Variants in TKT observed in about 807,000 individuals in gnomAD.
TKT encodes epididymis luminal protein 107.
A neutral mutation model predicts 63.9 loss-of-function variants in TKT; 47 were observed. The ratio of observed to expected loss-of-function variants is 0.74; its 90% CI spans 0.58 to 0.94. TKT has a LOEUF of 0.94. Ranked by LOEUF, TKT falls within the 40% of genes least tolerant of loss-of-function variation. The pLI is 0.00. For missense variants in TKT, 721 were observed against 846.2 expected (o/e 0.85, Z 1.84); for synonymous variants, 338 against 334.1 (o/e 1.01, Z -0.13).
Position 53,253,300 on chromosome 3 carries a change from T to TTC in TKT, c.107+2534_107+2535dup, listed in dbSNP as rs549993750. The stretch of plus-strand genomic sequence containing the variant: ...TTTTCTTTTCTTGGCCTTTCTTTCT[T>TTC]TCTCTCTCTCTCTCTTTCTTTCTTT... On this transcript the variant is annotated intron_variant, in intron 1 of 13. Coordinates refer to ENST00000462138, the MANE Select transcript of TKT (RefSeq NM_001064.4). Among the ~76,000 whole-genome samples, 1,069 of 151,630 alleles carry TTC rather than the reference T, an allele frequency of 7.1e-3. 60 individuals are homozygous for TTC. The South Asian group carries it at 0.13, about 18-fold the overall frequency.
chr3:53,241,219 C>T lies in TKT; in HGVS notation c.252G>A (p.Ala84=), dbSNP rs11556006. The T allele has an allele frequency of 4.9e-5, 79 of 1,601,012 alleles. No individual in the cohort carries two copies. The highest frequency in any genetic ancestry group is 1.6e-4 in the South Asian group (14 of 89,112). ...CCAGGAAACCAGCTTCAGCCCAGAC[C>T]GCGTAGAGGATGGGAGCTGCATGGC... ...SKGHAAPILY[A]VWAEAGFLAE... The change falls in exon 3 of 14, where the codon GCG becomes GCA. Residue 84 remains alanine, a synonymous_variant. Coordinates refer to ENST00000462138, the MANE Select transcript of TKT (RefSeq NM_001064.4).
At chr3:53,234,803 T>G in intron 5 of TKT, 180 bp downstream of exon 5, 1 of 573,810 alleles carries the variant, frequency 1.7e-6, no homozygotes, top group Non-Finnish European at 2.8e-6. Flanking sequence ...GGCCCACATA[T>G]CCTGAGCCAT....
chr3:53,254,560 T>C (rs1473558882), intron 1 of TKT, among the ~76,000 whole-genome samples: 3 of 152,246 alleles, frequency 2.0e-5, no homozygotes, highest in East Asian at 1.9e-4. Context: ...AGCCAGAATC[T>C]TGTCTGTCTG....
chr3:53,248,131 C>T lies in TKT; in HGVS notation c.108-5889G>A, dbSNP rs189307374. On this transcript the variant is annotated intron_variant, in intron 1 of 13. Coordinates refer to ENST00000462138, the MANE Select transcript of TKT (RefSeq NM_001064.4). The stretch of plus-strand genomic sequence containing the variant: ...AATGATGTAGTGTGTATGTACAGAA[C>T]GTGGCACCATGCATAGAAATTAGCA... Among the ~76,000 whole-genome samples the T allele has an allele frequency of 5.9e-5, 9 of 152,294 alleles. No individual in the cohort carries two copies. In the East Asian group the frequency reaches 1.5e-3, roughly 26 times the overall value.
Position 53,235,103 on chromosome 3 carries a change from G to C in TKT, c.509C>G (p.Ala170Gly), listed in dbSNP as rs1553678245. 6.2e-7 allele frequency: 1 copy of C among 1,613,856 alleles called. No individual in the cohort carries two copies. Among genetic ancestry groups the C allele is most frequent in the Non-Finnish European group, 8.5e-7 (1 of 1,180,006 alleles). The change falls in exon 5 of 14, where the codon GCC becomes GGC. Residue 170 changes from alanine (A) to glycine (G), a missense_variant. Ala to Gly is a moderately conservative substitution (Grantham distance 60). Transcript: ENST00000462138. ...AAGGTTGTCCAGCTTATAGATGCTGGCGAAGGCCATGGCCTCCCATACAGA... is the reference window on the plus strand; with the variant it reads ...AAGGTTGTCCAGCTTATAGATGCTGCCGAAGGCCATGGCCTCCCATACAGA... The part of the protein sequence containing the change: ...EGSVWEAMAF[A>G]SIYKLDNLVA...
At chr3:53,230,714 G>A (rs1371939218) in intron 7 of TKT, 93 bp from the exon 8 acceptor site, 19 of 1,479,180 alleles carry the variant, frequency 1.3e-5, no homozygotes, top group South Asian at 5.0e-5. Flanking sequence ...GGATTAAAAC[G>A]GGGCCAAAAA....
chr3:53,239,886 G>A (rs1705195371), intron 4 of TKT, among the ~76,000 whole-genome samples: 1 of 152,178 alleles, frequency 6.6e-6, no homozygotes, highest in Non-Finnish European at 1.5e-5. Flanking sequence ...CTGGGGGTGG[G>A]TCTTTCTGAG....
At position 53,235,036 on chromosome 3, in the gene TKT, C is replaced by A. The variant is rs201348801; in HGVS notation, c.576G>T (p.Pro192=). Residue 192 remains proline (P), a synonymous_variant, in exon 5 of 14, where the codon CCG becomes CCT. Transcript: ENST00000462138. ...TGTCCATCTGGTGCTGCAGTGGGGC[C>A]GGGTCACTCTGGCCCAGGCGATTGA... ...LDINRLGQSD[P]APLQHQMDIY... is the part of the protein sequence containing the mutation. 3.7e-5 allele frequency: 59 copies of A among 1,613,802 alleles called. No homozygotes were observed. The highest frequency in any genetic ancestry group is 4.7e-5 in the Non-Finnish European group (55 of 1,179,990).
intron 9 of TKT, 49 bp from the exon 10 acceptor site, chr3:53,229,186 A>G (rs905217195): frequency 2.5e-6 from 4 of 1,612,648 alleles, no homozygotes; most frequent in Non-Finnish European, 2.5e-6. Flanking sequence ...CTACCCCCCC[A>G]TCCATGGGCT....
Position 53,255,962 on chromosome 3 carries a change from G to T in TKT, c.-20C>A, listed in dbSNP as rs1265249863. The T allele has an allele frequency of 4.0e-6, 6 of 1,485,374 alleles. No homozygotes were observed. The highest frequency in any genetic ancestry group is 2.8e-5 in the East Asian group (1 of 35,672). 92.0% of individuals were successfully genotyped at this position (1,485,374 alleles called of 1,614,324 possible). On this transcript the variant is annotated 5_prime_UTR_variant, in exon 1 of 14. Transcript: ENST00000462138. The stretch of plus-strand genomic sequence containing the variant: ...CTCCATGGTGCGGCAGGCGGGGACC[G>T]GGCGCACACGCGGACACACAGAGAT...
intron 12 of TKT, 176 bp from the exon 13 acceptor site, chr3:53,227,054 T>A: frequency 1.4e-6 from 1 of 731,500 alleles, no homozygotes; most frequent in Non-Finnish European, 2.2e-6. Context: ...GAGCTCATGC[T>A]TGCCAACCCC....
chr3:53,229,390 A>G lies in TKT; in HGVS notation c.1154T>C (p.Phe385Ser), dbSNP rs782191857. Reference protein sequence around the residue: ...GCATRNRTVPFCSTFAAFFTR... With the variant: ...GCATRNRTVPSCSTFAAFFTR... ...GAAGAAGGCTGCAAAAGTGCTGCAGAAGGGCACCGTCCTGTTGCGGGTGGC... is the reference window on the plus strand; with the variant it reads ...GAAGAAGGCTGCAAAAGTGCTGCAGGAGGGCACCGTCCTGTTGCGGGTGGC... Residue 385 changes from phenylalanine to serine, a missense_variant, in exon 9 of 14, where the codon TTC becomes TCC. Phe to Ser is a radical substitution (Grantham distance 155). Transcript: ENST00000462138. The G allele has an allele frequency of 6.2e-7, 1 of 1,612,582 alleles. No homozygotes were observed. Among genetic ancestry groups the G allele is most frequent in the Admixed American group, 1.7e-5 (1 of 59,792 alleles).
intron 1 of TKT, among the ~76,000 whole-genome samples, chr3:53,251,737 G>T (rs1454144787): frequency 1.3e-5 from 2 of 152,206 alleles, no homozygotes; most frequent in African/African-American, 4.8e-5. Flanking sequence ...GGAGGGTGAG[G>T]CAGGATTGCT....
intron 3 of TKT, 35 bp downstream of exon 3, chr3:53,241,097 G>T: frequency 6.7e-7 from 1 of 1,501,616 alleles, no homozygotes; most frequent in Non-Finnish European, 8.9e-7. Flanking sequence ...GGAAGTGGAG[G>T]CAGAGGCATG....
At chr3:53,251,070 C>T (rs1474458853) in intron 1 of TKT, among the ~76,000 whole-genome samples, 7 of 152,178 alleles carry the variant, frequency 4.6e-5, no homozygotes, top group East Asian at 1.9e-4. Context: ...CGCACCTGGC[C>T]GGAAGGGCCT....
chr3:53,233,181 C>G lies in TKT; in HGVS notation c.723G>C (p.Lys241Asn). ...AKHQPTAIIA[K>N]TFKGRGITGV... ...CCGTGATCCCTCGGCCCTTGAAGGT[C>G]TTGGCAATGATGGCTGTTGGCTGGT... The change falls in exon 6 of 14, where the codon AAG becomes AAC. Residue 241 changes from lysine to asparagine, a missense_variant. Transcript: ENST00000462138. The G allele has an allele frequency of 6.2e-7, 1 of 1,613,984 alleles. No individual in the cohort carries two copies. The highest frequency in any genetic ancestry group is 8.5e-7 in the Non-Finnish European group (1 of 1,179,946).
At chr3:53,228,405 C>CTGT (rs1704598686) in intron 10 of TKT, 46 bp from the exon 11 acceptor site, 1 of 1,601,382 alleles carries the variant, frequency 6.2e-7, no homozygotes, top group African/African-American at 1.3e-5. Flanking sequence ...GTGGCACACC[C>CTGT]AACCTCAGAG....
chr3:53,254,221 G>A (rs1015086801), intron 1 of TKT, among the ~76,000 whole-genome samples: 5 of 152,142 alleles, frequency 3.3e-5, no homozygotes, highest in Non-Finnish European at 5.9e-5. Context: ...CCCCTGAAAC[G>A]GCCAAAGGTA....
In TKT at chr3:53,226,754, A is replaced by G; in HGVS notation, c.1696+2T>C. The stretch of plus-strand genomic sequence containing the variant: ...CAGCCTGCCTGCCCCAGGCCTCCTT[A>G]CCTTCATAATAATGGTCCTCCACGG... On this transcript the variant is annotated splice_donor_variant, in intron 13 of 13. Coordinates refer to ENST00000462138, the MANE Select transcript of TKT (RefSeq NM_001064.4). LOFTEE classifies it high-confidence loss of function. 1 of 1,613,950 alleles carries G rather than the reference A, an allele frequency of 6.2e-7. No homozygotes were observed. The highest frequency in any genetic ancestry group is 8.5e-7 in the Non-Finnish European group (1 of 1,179,970).
Sources: gnomAD v4.1 joint callset for allele counts (sites outside exome capture counted in the v4.1 genomes callset) on GRCh38, gnomAD v4.1.1 for gene constraint, MANE v1.5 for transcripts, NCBI Gene and HGNC (gene_info 2026-07-23, HGNC 2026-07-21) for gene names.